Variants in OSGIN1 observed in about 807,000 individuals in gnomAD.
OSGIN1 encodes the protein oxidative stress-induced growth inhibitor 1.
OSGIN1 carries 19 observed loss-of-function variants against 20.1 expected under a neutral mutation model. The ratio of observed to expected loss-of-function variants is 0.95; its 90% CI spans 0.66 to 1.39. The LOEUF is 1.39. OSGIN1 is among the 40% of genes most tolerant of loss of function. The probability of loss-of-function intolerance (pLI) is 0.00; values close to 1 mark genes in which losing one functional copy is unlikely to be tolerated. For synonymous variants in OSGIN1, 368 were observed against 297.8 expected (o/e 1.24, Z -2.43); for missense variants, 820 against 653.0 (o/e 1.26, Z -2.79).
At chr16:83,964,910 A>G in intron 5 of OSGIN1, 152 bp from the exon 6 acceptor site, 1 of 599,112 alleles carries the variant, frequency 1.7e-6, no homozygotes, top group African/African-American at 1.8e-5. Context: ...GAGGAGACTG[A>G]GGCTTAGAGA....
intron 5 of OSGIN1, 65 bp from the exon 6 acceptor site, chr16:83,964,997 C>A: frequency 1.2e-6 from 1 of 835,724 alleles, no homozygotes; most frequent in Non-Finnish European, 1.9e-6. Flanking sequence ...GGACATCTCC[C>A]GTCCCACCCA....
At position 83,953,330 on chromosome 16, in the gene OSGIN1, C is replaced by T. The variant is rs1009907707; in HGVS notation, c.-73C>T. ...TTCCCCTGACCCTCCTAGTGCACAACTTGGCCGGGCTCACTGGGCTCCTGC... is the reference window on the plus strand; with the variant it reads ...TTCCCCTGACCCTCCTAGTGCACAATTTGGCCGGGCTCACTGGGCTCCTGC... On this transcript the variant is annotated 5_prime_UTR_variant, in exon 1 of 6. Transcript: ENST00000393306. 7.8e-7 allele frequency: 1 copy of T among 1,288,966 alleles called. No individual in the cohort carries two copies. Among genetic ancestry groups the T allele is most frequent in the Non-Finnish European group, 1.0e-6 (1 of 988,578 alleles). 79.8% of individuals were successfully genotyped at this position (1,288,966 alleles called of 1,614,324 possible).
rs183415879 is a variant in OSGIN1, at chr16:83,955,478, C to T, written c.-33+2108C>T. The stretch of plus-strand genomic sequence containing the variant: ...AGAGAAGGCTCTGGAGCAGGGCGGC[C>T]TGGGCTCTGATCCAGCCCAGCCTGC... On this transcript the variant is annotated intron_variant, in intron 1 of 5. Coordinates refer to ENST00000393306, the MANE Select transcript of OSGIN1 (RefSeq NM_182981.3). 2.4e-4 allele frequency among the ~76,000 whole-genome samples: 36 copies of T among 152,322 alleles called. No homozygotes were observed. In the East Asian group the frequency reaches 6.2e-3, roughly 26 times the overall value.
chr16:83,966,138 G>A lies in OSGIN1; in HGVS notation c.*131G>A, dbSNP rs1008404221. 2.8e-6 allele frequency: 2 copies of A among 719,916 alleles called. No individual in the cohort carries two copies. Among genetic ancestry groups the A allele is most frequent in the South Asian group, 1.9e-5 (1 of 52,174 alleles). 44.6% of individuals were successfully genotyped at this position (719,916 alleles called of 1,614,324 possible). On this transcript the variant is annotated 3_prime_UTR_variant, in exon 6 of 6. Transcript: ENST00000393306. ...CCACGTTGCTGGCCTTTGGGGTCAA[G>A]AGGAGTAGGGATCCCAGGCTGCCCT... is the stretch of plus-strand genomic sequence containing the variant.
At position 83,959,475 on chromosome 16, in the gene OSGIN1, C is replaced by T. The variant is rs536919924; in HGVS notation, c.204+79C>T. On this transcript the variant is annotated intron_variant, in intron 3 of 5. Coordinates refer to ENST00000393306, the MANE Select transcript of OSGIN1 (RefSeq NM_182981.3). ...CTACCGCCGCTTTCCCAGGGAAAAA[C>T]AAAAGTGTGTGTTTGCTGGAAACAA... 4.5e-5 allele frequency: 61 copies of T among 1,365,616 alleles called. No individual in the cohort carries two copies. In the East Asian group the frequency reaches 1.3e-3, roughly 28 times the overall value. The allele number at this position is 1,365,616 out of a possible 1,614,324, so 84.6% of individuals were successfully genotyped here.
intron 5 of OSGIN1, 89 bp from the exon 6 acceptor site, chr16:83,964,973 C>A: frequency 1.1e-6 from 1 of 882,732 alleles, no homozygotes; most frequent in African/African-American, 1.7e-5. Context: ...AGCTCCAGGG[C>A]CTGACACTGC....
At position 83,961,017 on chromosome 16, in the gene OSGIN1, C is replaced by A. The variant is rs376830244; in HGVS notation, c.433C>A (p.Gln145Lys). Residue 145 changes from glutamine to lysine, a missense_variant, in exon 5 of 6, where the codon CAG becomes AAG. Gln to Lys is a moderately conservative substitution (Grantham distance 53). Transcript: ENST00000393306. ...CTCCATGGTGATCCTGAGCCAAGGC[C>A]AGTGGATGGGGCTCCCGGACCTGGA... ...EGSMVILSQG[Q>K]WMGLPDLEVK... The A allele has an allele frequency of 1.2e-6, 2 of 1,613,574 alleles. No individual in the cohort carries two copies. The highest frequency in any genetic ancestry group is 2.7e-5 in the African/African-American group (2 of 74,944).
chr16:83,963,455 C>T (rs980694584), intron 5 of OSGIN1, among the ~76,000 whole-genome samples: 3 of 152,114 alleles, frequency 2.0e-5, no homozygotes, highest in African/African-American at 7.2e-5. Flanking sequence ...AAAACCACCG[C>T]AGACACACCC....
At chr16:83,955,400 C>T (rs1015597062) in intron 1 of OSGIN1, among the ~76,000 whole-genome samples, 10 of 152,156 alleles carry the variant, frequency 6.6e-5, no homozygotes, top group South Asian at 2.1e-4. Flanking sequence ...GGACACTGCA[C>T]GTTCCACCCG....
chr16:83,963,589 C>A (rs1457879164), intron 5 of OSGIN1, among the ~76,000 whole-genome samples: 9 of 152,216 alleles, frequency 5.9e-5, no homozygotes, highest in Non-Finnish European at 8.8e-5. Flanking sequence ...TTCTGTGTCA[C>A]AATCTTTACA....
At chr16:83,953,483 C>G (rs1416283847) in intron 1 of OSGIN1, 113 bp downstream of exon 1, 1 of 1,009,520 alleles carries the variant, frequency 9.9e-7, no homozygotes, top group African/African-American at 1.7e-5. Context: ...GCGGGGGTCC[C>G]GGGTGGTCCT....
intron 5 of OSGIN1, among the ~76,000 whole-genome samples, chr16:83,961,863 C>G (rs184952653): frequency 1.3e-5 from 2 of 152,204 alleles, no homozygotes; most frequent in Non-Finnish European, 2.9e-5. Context: ...GCACAGGTCC[C>G]CCAGTCCTTG....
At chr16:83,959,439 C>A in intron 3 of OSGIN1, 43 bp downstream of exon 3, 1 of 1,537,044 alleles carries the variant, frequency 6.5e-7, no homozygotes, top group Non-Finnish European at 8.8e-7. Flanking sequence ...TACATACCCG[C>A]CCTTGGAAAA....
At chr16:83,963,918 C>A (rs1310879322) in intron 5 of OSGIN1, among the ~76,000 whole-genome samples, 2 of 152,226 alleles carry the variant, frequency 1.3e-5, no homozygotes, top group African/African-American at 4.8e-5. Context: ...ACAACAACAA[C>A]AATAATAGAA....
chr16:83,965,847 A>T lies in OSGIN1; in HGVS notation c.1274A>T (p.Asn425Ile). 1 of 1,612,876 alleles carries T rather than the reference A, an allele frequency of 6.2e-7. No homozygotes were observed. The highest frequency in any genetic ancestry group is 8.5e-7 in the Non-Finnish European group (1 of 1,179,988). ...GACCAGCCGCTGAGCGCCAAGAGGA[A>T]CCCCATTGACGTGGACCCCTTCACC... is the stretch of plus-strand genomic sequence containing the variant. ...DPDQPLSAKR[N>I]PIDVDPFTYQ... Residue 425 changes from asparagine to isoleucine, a missense_variant, in exon 6 of 6, where the codon AAC becomes ATC. Transcript: ENST00000393306.
At chr16:83,954,434 A>G (rs1800436255) in intron 1 of OSGIN1, 1 of 152,266 alleles carries the variant, frequency 6.6e-6, no homozygotes, top group Non-Finnish European at 1.5e-5. Context: ...AACATCTGCC[A>G]TCTTCAATTA....
chr16:83,961,370 C>T (rs1567656870), intron 5 of OSGIN1: 2 of 391,622 alleles, frequency 5.1e-6, no homozygotes, highest in African/African-American at 2.1e-5. Flanking sequence ...GCTTCCAGGT[C>T]GCAGGTAGGT....
chr16:83,963,564 A>T (rs1427052443), intron 5 of OSGIN1, among the ~76,000 whole-genome samples: 4 of 152,152 alleles, frequency 2.6e-5, no homozygotes, highest in African/African-American at 9.7e-5. Flanking sequence ...TGCACAGAAC[A>T]TGCTCTTGGG....
intron 5 of OSGIN1, among the ~76,000 whole-genome samples, chr16:83,963,049 T>C (rs1259377330): frequency 6.6e-6 from 1 of 152,206 alleles, no homozygotes; most frequent in Non-Finnish European, 1.5e-5. Flanking sequence ...GGGTGCAGTC[T>C]GCCTCTCGGG....
Sources: allele counts gnomAD v4.1 joint callset (sites outside exome capture counted in the v4.1 genomes callset), GRCh38; gene constraint gnomAD v4.1.1; transcripts MANE v1.5; gene names NCBI Gene and HGNC (gene_info 2026-07-23, HGNC 2026-07-21).